The following RPP30 variants were observed in gnomAD, a reference collection of about 807,000 sequenced individuals.
RPP30 encodes the protein ribonuclease P protein subunit p30.
RPP30 carries 36 observed loss-of-function variants against 38.6 expected under a neutral mutation model. The observed-to-expected ratio is 0.93, with a 90% CI of 0.71 to 1.23. The LOEUF is 1.23. Among genes scored for constraint, RPP30 ranks in the 50% most tolerant of loss-of-function variants. RPP30 has a pLI of 0.00. For synonymous variants in RPP30, 126 were observed against 112.7 expected (o/e 1.12, Z -0.75); for missense variants, 321 against 321.7 (o/e 1.00, Z 0.02).
intron 9 of RPP30, 80 bp downstream of exon 9, chr10:90,895,997 G>T: frequency 9.1e-7 from 1 of 1,096,850 alleles, no homozygotes; most frequent in Non-Finnish European, 1.4e-6. Flanking sequence ...AGTTGAACAT[G>T]TATTTTTCTC....
At chr10:90,891,037 A>G (rs967293752) in intron 6 of RPP30, among the ~76,000 whole-genome samples, 2 of 152,242 alleles carry the variant, frequency 1.3e-5, no homozygotes, top group Non-Finnish European at 2.9e-5. Flanking sequence ...AACTGTGTAA[A>G]TGAGAACAGT....
chr10:90,879,193 T>A, intron 5 of RPP30, 59 bp downstream of exon 5: 2 of 1,365,264 alleles, frequency 1.5e-6, no homozygotes, highest in Non-Finnish European at 2.1e-6. Flanking sequence ...AAGTCTGATG[T>A]TCTGACTTTG....
chr10:90,907,860 C>T (rs1298601569), downstream of RPP30, among the ~76,000 whole-genome samples: 1 of 152,196 alleles, frequency 6.6e-6, no homozygotes, highest in African/African-American at 2.4e-5. Flanking sequence ...TACTGCCTCA[C>T]TTAACGACAG....
downstream of RPP30, among the ~76,000 whole-genome samples, chr10:90,905,086 T>A (rs1847239232): frequency 6.6e-6 from 1 of 152,206 alleles, no homozygotes; most frequent in Non-Finnish European, 1.5e-5. Context: ...AAAGTTTGAT[T>A]GATTTGTCTC....
intron 4 of RPP30, among the ~76,000 whole-genome samples, chr10:90,876,391 T>C (rs752342232): frequency 6.6e-6 from 1 of 152,188 alleles, no homozygotes; most frequent in Admixed American, 6.5e-5. Context: ...CCATGAATAA[T>C]AGCACAATCC....
chr10:90,901,910 C>G lies in RPP30; in HGVS notation c.*1231C>G, dbSNP rs574692514. ...CTCTGCTCACTGCAAGCTCCGCCTCCTGGGTTCATGCCATTCTCCTGCCTC... is the reference window on the plus strand; with the variant it reads ...CTCTGCTCACTGCAAGCTCCGCCTCGTGGGTTCATGCCATTCTCCTGCCTC... On this transcript the variant is annotated 3_prime_UTR_variant, in exon 11 of 11. Transcript: ENST00000371703. 11 of 498,184 alleles carry G rather than the reference C, an allele frequency of 2.2e-5. No individual in the cohort carries two copies. In the South Asian group the frequency reaches 8.7e-4, roughly 39 times the overall value. The allele number at this position is 498,184 out of a possible 1,614,324, so 30.9% of individuals were successfully genotyped here. A position where few individuals can be genotyped will look rare whatever the true frequency, so the allele number is the denominator to read the frequency against.
intron 6 of RPP30, among the ~76,000 whole-genome samples, chr10:90,894,388 G>C (rs1433488187): frequency 6.6e-6 from 1 of 152,106 alleles, no homozygotes; most frequent in East Asian, 1.9e-4. Flanking sequence ...TCATAGGTCA[G>C]ATTACTTGGT....
At position 90,885,794 on chromosome 10, in the gene RPP30, T is replaced by A. The variant is rs767051604; in HGVS notation, c.343-18T>A. Reference sequence around the variant, plus strand: ...CCAATTTTCCTTTTGGCCTTACCTATTTTTTTCTTCTTTACAGATTGCTTG... The same window carrying A: ...CCAATTTTCCTTTTGGCCTTACCTAATTTTTTCTTCTTTACAGATTGCTTG... On this transcript the variant is annotated intron_variant, in intron 5 of 10. Coordinates refer to ENST00000371703, the MANE Select transcript of RPP30 (RefSeq NM_006413.5). 4 of 1,581,586 alleles carry A rather than the reference T, an allele frequency of 2.5e-6. No individual in the cohort carries two copies. Among genetic ancestry groups the A allele is most frequent in the Non-Finnish European group, 2.6e-6 (3 of 1,154,060 alleles).
At chr10:90,877,228 C>T (rs553683889) in intron 4 of RPP30, among the ~76,000 whole-genome samples, 55 of 152,122 alleles carry the variant, frequency 3.6e-4, no homozygotes, top group African/African-American at 1.3e-3. Flanking sequence ...AGGAGAATCA[C>T]TTGAGCCAGA....
At chr10:90,874,205 AT>A (rs1055270088) in intron 1 of RPP30, among the ~76,000 whole-genome samples, 1 of 151,664 alleles carries the variant, frequency 6.6e-6, no homozygotes, top group Non-Finnish European at 1.5e-5. Flanking sequence ...CATGATTTAG[AT>A]TTTTTTTTGG....
rs373793879 is a variant in RPP30, at chr10:90,896,449, A to G, written c.697+57A>G. 8.0e-6 allele frequency: 11 copies of G among 1,381,320 alleles called. No homozygotes were observed. The Admixed American group carries it at 1.3e-4, about 17-fold the overall frequency. The allele number at this position is 1,381,320 out of a possible 1,614,324, so 85.6% of individuals were successfully genotyped here. A position where few individuals can be genotyped will look rare whatever the true frequency, so the allele number is the denominator to read the frequency against. On this transcript the variant is annotated intron_variant, in intron 10 of 10. Coordinates refer to ENST00000371703, the MANE Select transcript of RPP30 (RefSeq NM_006413.5). ...GTCATGTTAAAAGCAAGTCATTTTT[A>G]CAGCCATACCTATTTTTATTGCCCT... is the stretch of plus-strand genomic sequence containing the variant.
exon 5 of RPP30, chr10:90,908,500 C>T (rs973037745): frequency 3.3e-5 from 5 of 152,226 alleles, no homozygotes; most frequent in South Asian, 2.1e-4. Flanking sequence ...TTTCCTGTCT[C>T]GCTCATGTCA....
At chr10:90,904,317 C>T (rs1187361575), downstream of RPP30, among the ~76,000 whole-genome samples, 1 of 152,152 alleles carries the variant, frequency 6.6e-6, no homozygotes, top group East Asian at 1.9e-4. Context: ...GTACAGCATA[C>T]CAGTTAAGTG....
At chr10:90,875,978 A>T (rs151084915) in intron 3 of RPP30, 46 bp from the exon 4 acceptor site, 1 of 1,108,306 alleles carries the variant, frequency 9.0e-7, no homozygotes, top group East Asian at 2.4e-5. Flanking sequence ...AGGAAAATCA[A>T]TTATTGTCTT....
At chr10:90,898,217 G>A (rs1847165352) in intron 10 of RPP30, among the ~76,000 whole-genome samples, 1 of 152,130 alleles carries the variant, frequency 6.6e-6, no homozygotes, top group Admixed American at 6.6e-5. Flanking sequence ...GGCTTTTATA[G>A]AAGCTAAACT....
chr10:90,878,986 T>C, intron 4 of RPP30, 77 bp from the exon 5 acceptor site: 1 of 1,184,252 alleles, frequency 8.4e-7, no homozygotes, highest in Non-Finnish European at 1.3e-6. Flanking sequence ...GAAATATAAG[T>C]GTGAGTCAAT....
intron 10 of RPP30, among the ~76,000 whole-genome samples, chr10:90,898,907 G>A (rs1847172656): frequency 6.6e-6 from 1 of 152,144 alleles, no homozygotes; most frequent in African/African-American, 2.4e-5. Flanking sequence ...GAACCTGTTG[G>A]GGACACCTGC....
At chr10:90,903,482 TG>T (rs772202762), downstream of RPP30, among the ~76,000 whole-genome samples, 32 of 152,078 alleles carry the variant, frequency 2.1e-4, no homozygotes, top group Non-Finnish European at 4.1e-4. Context: ...GTGAAATAAA[TG>T]GGAAAAAAGT....
exon 5 of RPP30, chr10:90,908,483 G>GT (rs1325857023): frequency 1.3e-5 from 2 of 152,112 alleles, no homozygotes; most frequent in Admixed American, 1.3e-4. Context: ...TCAACATCAT[G>GT]TGCCTGTTTC....
Sources: allele counts gnomAD v4.1 joint callset (sites outside exome capture counted in the v4.1 genomes callset), GRCh38; gene constraint gnomAD v4.1.1; transcripts MANE v1.5; gene names NCBI Gene and HGNC (gene_info 2026-07-23, HGNC 2026-07-21).